The following RAB27A variants were observed in gnomAD, a reference collection of about 807,000 sequenced individuals.
RAB27A encodes the protein ras-related protein Rab-27A.
Under a neutral mutation model 20.8 loss-of-function variants are expected in RAB27A, and 17 were observed. The ratio of observed to expected loss-of-function variants is 0.82; its 90% CI spans 0.56 to 1.23. The LOEUF (loss-of-function observed/expected upper bound fraction) is 1.23, where lower values mean the gene tolerates loss of function less well. Ranked by LOEUF, RAB27A falls within the 50% of genes most tolerant of loss-of-function variation. The pLI, the probability that RAB27A is intolerant of heterozygous loss-of-function variation, is 0.00. For missense variants in RAB27A, 277 were observed against 266.7 expected, an observed-to-expected ratio of 1.04 and a Z score of -0.27; for synonymous variants, 85 against 92.8, an observed-to-expected ratio of 0.92 and a Z score of 0.48.
intron 5 of RAB27A, among the ~76,000 whole-genome samples, chr15:55,224,255 T>C (rs1423038858): frequency 1.3e-5 from 2 of 152,228 alleles, no homozygotes; most frequent in East Asian, 3.8e-4. Context: ...GAGAATGTGC[T>C]ACCTCTCAAG....
At chr15:55,211,978 T>A (rs1369820099) in intron 6 of RAB27A, among the ~76,000 whole-genome samples, 1 of 133,170 alleles carries the variant, frequency 7.5e-6, no homozygotes, top group East Asian at 2.0e-4. Flanking sequence ...TTTTTTTTTT[T>A]AGCTTTTCCC....
At chr15:55,210,436 G>A (rs1894970408) in intron 6 of RAB27A, among the ~76,000 whole-genome samples, 1 of 146,178 alleles carries the variant, frequency 6.8e-6, no homozygotes, top group Non-Finnish European at 1.5e-5. Context: ...GAGGGGGGGG[G>A]AATTACTGCC....
chr15:55,209,010 T>A (rs1894788223), intron 6 of RAB27A, among the ~76,000 whole-genome samples: 1 of 152,120 alleles, frequency 6.6e-6, no homozygotes, highest in African/African-American at 2.4e-5. Flanking sequence ...TGTAAGAAAA[T>A]TTTATTTTTT....
rs529636351 is a variant in RAB27A, at chr15:55,205,917, T to C, written c.468-212A>G. ...TGCAAAACTGGAAATTTTAGACTCT[T>C]CAAAATATCAATTTTTGGCTGGGCG... On this transcript the variant is annotated intron_variant, in intron 6 of 6. Transcript: ENST00000336787. Among the ~76,000 whole-genome samples, 4 of 152,244 alleles carry C rather than the reference T, an allele frequency of 2.6e-5. No individual in the cohort carries two copies. In the South Asian group the frequency reaches 8.3e-4, roughly 32 times the overall value.
Position 55,230,394 on chromosome 15 carries a change from C to A in RAB27A, c.239+7G>T. The stretch of plus-strand genomic sequence containing the variant: ...CAGTAAGGAGCACATAACTGAAGAT[C>A]TCATACCTCTCCTGCCCTGCTGTGT... On this transcript the variant is annotated splice_region_variant and intron_variant, in intron 4 of 6. Transcript: ENST00000336787. The A allele has an allele frequency of 1.2e-6, 2 of 1,603,254 alleles. No individual in the cohort carries two copies. Among genetic ancestry groups the A allele is most frequent in the South Asian group, 2.2e-5 (2 of 90,856 alleles).
Position 55,205,303 on chromosome 15 carries a change from ACTCT to A in RAB27A, c.*200_*203del, listed in dbSNP as rs1894587781. 6.4e-6 allele frequency: 4 copies of A among 623,326 alleles called. No individual in the cohort carries two copies. The highest frequency in any genetic ancestry group is 1.8e-5 in the African/African-American group (1 of 54,148). The allele number at this position is 623,326 out of a possible 1,614,324, so 38.6% of individuals were successfully genotyped here. A position where few individuals can be genotyped will look rare whatever the true frequency, so the allele number is the denominator to read the frequency against. On this transcript the variant is annotated 3_prime_UTR_variant, in exon 7 of 7. Coordinates refer to ENST00000336787, the MANE Select transcript of RAB27A (RefSeq NM_183235.3). The stretch of plus-strand genomic sequence containing the variant: ...TTTTGGCTCTGAAATATTTCTCCTA[ACTCT>A]CAGGCTGAATCTTAAAGAAATATTT...
chr15:55,219,313 G>A (rs1895457275), intron 6 of RAB27A, among the ~76,000 whole-genome samples: 1 of 152,188 alleles, frequency 6.6e-6, no homozygotes. Flanking sequence ...ATTTTCCAAT[G>A]AGAAGTCATT....
chr15:55,243,793 T>A (rs1231650451), intron 2 of RAB27A, among the ~76,000 whole-genome samples: 1 of 152,216 alleles, frequency 6.6e-6, no homozygotes, highest in Non-Finnish European at 1.5e-5. Context: ...GGAAAATCTC[T>A]TACTCTTGCC....
upstream of RAB27A, among the ~76,000 whole-genome samples, chr15:55,292,238 C>A (rs1000189730): frequency 5.9e-5 from 9 of 152,176 alleles, no homozygotes; most frequent in Non-Finnish European, 8.8e-5. Context: ...TTGACTACAT[C>A]ACCTCATACG....
At chr15:55,255,244 C>T (rs1019218214) in intron 2 of RAB27A, among the ~76,000 whole-genome samples, 1 of 152,204 alleles carries the variant, frequency 6.6e-6, no homozygotes, top group African/African-American at 2.4e-5. Context: ...AACTCTATCC[C>T]TTCCACTCTC....
chr15:55,219,698 T>C (rs982727932), intron 6 of RAB27A, among the ~76,000 whole-genome samples: 2 of 152,240 alleles, frequency 1.3e-5, no homozygotes, highest in African/African-American at 4.8e-5. Flanking sequence ...CGTAGCTATC[T>C]TTTTAAAGTG....
At chr15:55,294,128 G>C (rs2054937403), upstream of RAB27A, among the ~76,000 whole-genome samples, 1 of 149,722 alleles carries the variant, frequency 6.7e-6, no homozygotes, top group South Asian at 2.1e-4. Flanking sequence ...CAAAGGTATA[G>C]TAATTAAAAA....
chr15:55,242,939 C>G (rs1261553364), intron 2 of RAB27A, among the ~76,000 whole-genome samples: 1 of 152,164 alleles, frequency 6.6e-6, no homozygotes, highest in Non-Finnish European at 1.5e-5. Context: ...GTCTGTATTC[C>G]TTCCTTCAGA....
intron 4 of RAB27A, 147 bp from the exon 5 acceptor site, chr15:55,228,859 A>C: frequency 1.5e-6 from 1 of 688,988 alleles, no homozygotes. Flanking sequence ...ATAGTTATTT[A>C]TCACTTATAT....
At chr15:55,264,037 T>C (rs1359058891) in intron 2 of RAB27A, among the ~76,000 whole-genome samples, 1 of 152,170 alleles carries the variant, frequency 6.6e-6, no homozygotes, top group East Asian at 1.9e-4. Flanking sequence ...TTATTTTTTC[T>C]GTTTGTTTGT....
intron 5 of RAB27A, among the ~76,000 whole-genome samples, chr15:55,226,586 T>C (rs1895807363): frequency 6.6e-6 from 1 of 152,020 alleles, no homozygotes; most frequent in Non-Finnish European, 1.5e-5. Flanking sequence ...AAATAAGAAA[T>C]GGGCCGGGCA....
chr15:55,280,456 C>T (rs1252037221), intron 1 of RAB27A, among the ~76,000 whole-genome samples: 3 of 150,664 alleles, frequency 2.0e-5, no homozygotes, highest in Non-Finnish European at 4.4e-5. Context: ...ATTAGAATCA[C>T]CAAAGGAGAG....
chr15:55,257,353 G>T (rs1897117917), intron 2 of RAB27A, among the ~76,000 whole-genome samples: 1 of 152,130 alleles, frequency 6.6e-6, no homozygotes, highest in South Asian at 2.1e-4. Context: ...AACAGTGAAA[G>T]CTCCAAAAAG....
chr15:55,209,998 A>G (rs62654029), intron 6 of RAB27A, among the ~76,000 whole-genome samples: 9,696 of 129,156 alleles, frequency 0.075, 1,862 homozygotes, highest in African/African-American at 0.16. Context: ...ATACGCATAT[A>G]TGTGTGTACA....
Sources: gnomAD v4.1 joint callset for allele counts (sites outside exome capture counted in the v4.1 genomes callset) on GRCh38, gnomAD v4.1.1 for gene constraint, MANE v1.5 for transcripts, NCBI Gene and HGNC (gene_info 2026-07-23, HGNC 2026-07-21) for gene names.